The following CLASRP variants were observed in gnomAD, a reference collection of about 807,000 sequenced individuals.
CLASRP encodes the protein CLK4-associating serine/arginine rich protein.
In CLASRP, 52 loss-of-function variants were observed where a neutral mutation model predicts 99.9. The observed-to-expected ratio is 0.52, with a 90% CI of 0.42 to 0.66. The LOEUF is 0.66. Among genes scored for constraint, CLASRP ranks in the 30% least tolerant of loss-of-function variants. The pLI, the probability that CLASRP is intolerant of heterozygous loss-of-function variation, is 0.00. For synonymous variants in CLASRP, 379 were observed against 373.0 expected (o/e 1.02, Z -0.18); for missense variants, 848 against 999.2 (o/e 0.85, Z 2.04).
chr19:45,070,150 A>T, intron 19 of CLASRP, 46 bp downstream of exon 19: 1 of 1,209,720 alleles, frequency 8.3e-7, no homozygotes. Flanking sequence ...TTTAAAGAAA[A>T]GTGTCAAGCA....
Position 45,052,187 on chromosome 19 carries a change from G to A in CLASRP, c.197+19G>A, listed in dbSNP as rs375710334. 3.1e-6 allele frequency: 5 copies of A among 1,606,240 alleles called. No individual in the cohort carries two copies. Among genetic ancestry groups the A allele is most frequent in the Middle Eastern group, 1.6e-4 (1 of 6,072 alleles). ...TTAATATGTAAGACTGATATGGAAG[G>A]CAGGGGAGTGTCTGAAGTCTGGGAG... On this transcript the variant is annotated intron_variant, in intron 3 of 20. Transcript: ENST00000221455.
intron 13 of CLASRP, among the ~76,000 whole-genome samples, chr19:45,066,616 C>T (rs1967092413): frequency 8.8e-6 from 1 of 113,922 alleles, no homozygotes; most frequent in African/African-American, 3.6e-5. Flanking sequence ...CAGAGAGAGA[C>T]TGTCTCAAAA....
chr19:45,066,349 A>G (rs1227094427), intron 13 of CLASRP, among the ~76,000 whole-genome samples: 1 of 151,954 alleles, frequency 6.6e-6, no homozygotes, highest in East Asian at 1.9e-4. Context: ...TGAACTCCTG[A>G]CCTCATGATC....
chr19:45,049,208 C>T (rs998718039), intron 2 of CLASRP, among the ~76,000 whole-genome samples: 48 of 152,174 alleles, frequency 3.2e-4, no homozygotes, highest in African/African-American at 1.1e-3. Context: ...AAATTCTGTC[C>T]TGCAAACAGT....
At chr19:45,063,974 GAGCCTGA>G in intron 11 of CLASRP, 31 bp from the exon 12 acceptor site, 10 of 1,566,512 alleles carry the variant, frequency 6.4e-6, no homozygotes, top group Non-Finnish European at 8.7e-6. Flanking sequence ...GAGGCTCCGG[GAGCCTGA>G]GCTAGTGAGC....
At chr19:45,062,493 T>A (rs1023824683) in intron 11 of CLASRP, among the ~76,000 whole-genome samples, 44 of 152,224 alleles carry the variant, frequency 2.9e-4, no homozygotes, top group African/African-American at 1.0e-3. Context: ...TTCTCCTGCC[T>A]CAGCCTCCTG....
At chr19:45,063,165 G>A (rs992627310) in intron 11 of CLASRP, among the ~76,000 whole-genome samples, 3 of 151,608 alleles carry the variant, frequency 2.0e-5, no homozygotes, top group African/African-American at 4.8e-5. Flanking sequence ...TAAAAAACAC[G>A]TTTGTTTTTT....
intron 2 of CLASRP, among the ~76,000 whole-genome samples, chr19:45,046,268 T>C (rs1293303991): frequency 6.6e-6 from 1 of 152,236 alleles, no homozygotes; most frequent in Non-Finnish European, 1.5e-5. Flanking sequence ...AGTTGGTTTC[T>C]GTCTTCCTGA....
At chr19:45,064,712 A>T in intron 13 of CLASRP, 82 bp downstream of exon 13, 1 of 1,460,084 alleles carries the variant, frequency 6.8e-7, no homozygotes, top group Non-Finnish European at 9.0e-7. Context: ...CAGAGGGAGG[A>T]AACCTGGCCG....
chr19:45,067,993 C>T lies in CLASRP; in HGVS notation c.1668-22C>T. 1 of 1,599,780 alleles carries T rather than the reference C, an allele frequency of 6.3e-7. No homozygotes were observed. Among genetic ancestry groups the T allele is most frequent in the Non-Finnish European group, 8.6e-7 (1 of 1,167,068 alleles). ...GCCCTTTCCCCCTCCCAACCATGTC[C>T]TCTGGCCCTGCCCCCACCCAGGACC... On this transcript the variant is annotated intron_variant, in intron 14 of 20. Coordinates refer to ENST00000221455, the MANE Select transcript of CLASRP (RefSeq NM_007056.3). This position sits in a 1 kb window ranked among gnomAD's most constrained non-coding sequence, Gnocchi z 4.9.
Position 45,064,189 on chromosome 19 carries a change from G to A in CLASRP, c.1083G>A (p.Gln361=). 1 of 1,606,140 alleles carries A rather than the reference G, an allele frequency of 6.2e-7. No homozygotes were observed. The highest frequency in any genetic ancestry group is 8.5e-7 in the Non-Finnish European group (1 of 1,177,298). The change falls in exon 12 of 21, where the codon CAG becomes CAA. Residue 361 remains glutamine (Q), a synonymous_variant. Coordinates refer to ENST00000221455, the MANE Select transcript of CLASRP (RefSeq NM_007056.3). ...VTTGKPPAPP[Q]PGGPAPGRNA... is the part of the protein sequence containing the mutation. ...CAGGGAAGCCCCCCGCACCTCCCCA[G>A]CCTGGCGGCCCCGCCCCGGGACGTA...
At chr19:45,063,181 T>A (rs1966980499) in intron 11 of CLASRP, among the ~76,000 whole-genome samples, 1 of 151,886 alleles carries the variant, frequency 6.6e-6, no homozygotes. Context: ...TTTTTTTTTC[T>A]TTAAAATATT....
Position 45,067,414 on chromosome 19 carries a change from G to A in CLASRP, c.1487G>A (p.Ser496Asn). 1 of 1,534,484 alleles carries A rather than the reference G, an allele frequency of 6.5e-7. No individual in the cohort carries two copies. The change falls in exon 14 of 21, where the codon AGC becomes AAC. Residue 496 changes from serine (S) to asparagine (N), a missense_variant. This residue lies in a region of CLASRP where 489 missense variants were observed against 434.7 expected (regional missense o/e 1.12). Transcript: ENST00000221455. The surrounding 1 kb of genome is among the most constrained non-coding windows in gnomAD (Gnocchi z 4.9). ...LRHHSSSRSR[S>N]SWSLSPSRSR... ...CACCACAGCAGTAGCCGCAGCCGCA[G>A]CAGCTGGTCCCTCAGCCCGTCCCGC...
chr19:45,057,819 G>A lies in CLASRP; in HGVS notation c.534G>A (p.Ala178=), dbSNP rs778698410. The change falls in exon 7 of 21, where the codon GCG becomes GCA. Residue 178 remains alanine, a synonymous_variant. Coordinates refer to ENST00000221455, the MANE Select transcript of CLASRP (RefSeq NM_007056.3). ...GCACGGTGGCCGAGGTAGAGAAGGC[G>A]GCAGAAAAGCCAGAGGAGGAGGAGT... ...EDSTVAEVEK[A]AEKPEEEESA... 5.0e-6 allele frequency: 8 copies of A among 1,613,944 alleles called. No individual in the cohort carries two copies. The highest frequency in any genetic ancestry group is 1.7e-5 in the Admixed American group (1 of 59,992).
chr19:45,057,013 A>G (rs1600104391), intron 6 of CLASRP, among the ~76,000 whole-genome samples: 1 of 152,288 alleles, frequency 6.6e-6, no homozygotes, highest in East Asian at 1.9e-4. Context: ...GCGTCCCTCA[A>G]GGAGTAGCTG....
intron 13 of CLASRP, among the ~76,000 whole-genome samples, chr19:45,065,258 C>G (rs1328420777): frequency 1.3e-5 from 2 of 151,968 alleles, no homozygotes; most frequent in Admixed American, 1.3e-4. Context: ...GGTGTGGTGG[C>G]ACACGCCTGT....
At chr19:45,047,532 A>G (rs1971944735) in intron 2 of CLASRP, 1 of 152,036 alleles carries the variant, frequency 6.6e-6, no homozygotes, top group East Asian at 1.9e-4. Context: ...CAAGGATGAC[A>G]CAAAAATTCG....
rs770794285 is a variant in CLASRP, at chr19:45,060,517, G to A, written c.790-37G>A. ...GGGACAGGGGTGTGTCACAGGGAGG[G>A]CACCCCCTCACCAACCTGGCACCCA... On this transcript the variant is annotated intron_variant, in intron 9 of 20. Coordinates refer to ENST00000221455, the MANE Select transcript of CLASRP (RefSeq NM_007056.3). This position sits in a 1 kb window ranked among gnomAD's most constrained non-coding sequence, Gnocchi z 4.6. 1 of 1,612,534 alleles carries A rather than the reference G, an allele frequency of 6.2e-7. No individual in the cohort carries two copies. Among genetic ancestry groups the A allele is most frequent in the Non-Finnish European group, 8.5e-7 (1 of 1,178,636 alleles).
intron 8 of CLASRP, 30 bp downstream of exon 8, chr19:45,059,394 A>G (rs1223193345): frequency 1.3e-6 from 2 of 1,525,302 alleles, no homozygotes; most frequent in East Asian, 2.4e-5. Flanking sequence ...ACCCCTACCC[A>G]TTCTGTGGGC....
Sources: allele counts gnomAD v4.1 joint callset (sites outside exome capture counted in the v4.1 genomes callset), GRCh38; gene constraint gnomAD v4.1.1; regional missense constraint gnomAD v4.1.1; non-coding constraint Gnocchi (gnomAD v3.1); transcripts MANE v1.5; gene names NCBI Gene and HGNC (gene_info 2026-07-23, HGNC 2026-07-21).